The following CEP70 variants were observed in gnomAD, a reference collection of about 807,000 sequenced individuals.
CEP70 encodes the protein centrosomal protein 70.
A neutral mutation model predicts 90.9 loss-of-function variants in CEP70; 70 were observed. The observed-to-expected ratio is 0.77, with a 90% CI of 0.64 to 0.94. The LOEUF (loss-of-function observed/expected upper bound fraction) is 0.94. CEP70 is among the 40% of genes least tolerant of loss of function. CEP70 has a pLI of 0.00. For missense variants in CEP70, 648 were observed against 669.0 expected (o/e 0.97, Z 0.35); for synonymous variants, 220 against 228.3 (o/e 0.96, Z 0.33).
At chr3:138,540,433 G>C (rs368520012) in intron 6 of CEP70, among the ~76,000 whole-genome samples, 3 of 148,054 alleles carry the variant, frequency 2.0e-5, no homozygotes, top group Admixed American at 6.8e-5. Flanking sequence ...GCAGTGAGCC[G>C]AGACCACACC....
chr3:138,556,527 C>CAAAAA (rs57583939), intron 6 of CEP70, among the ~76,000 whole-genome samples: 1 of 69,608 alleles, frequency 1.4e-5, no homozygotes, highest in African/African-American at 6.2e-5. Context: ...GACTCTGTCT[C>CAAAAA]AAAAAAAAAA....
intron 17 of CEP70, 136 bp downstream of exon 17, chr3:138,497,895 G>A (rs2034090156): frequency 1.3e-6 from 2 of 1,493,688 alleles, no homozygotes; most frequent in Non-Finnish European, 8.8e-7. Flanking sequence ...TGCTTGTAAG[G>A]AATGTGTTTC....
chr3:138,523,995 C>A (rs1419036838), intron 11 of CEP70, among the ~76,000 whole-genome samples: 2 of 138,750 alleles, frequency 1.4e-5, no homozygotes, highest in Non-Finnish European at 1.5e-5. Flanking sequence ...CTACAGTAAC[C>A]AAAACAGCAT....
At chr3:138,537,477 G>T (rs1379431074) in intron 6 of CEP70, 130 bp from the exon 7 acceptor site, 2 of 535,446 alleles carry the variant, frequency 3.7e-6, no homozygotes, top group Non-Finnish European at 6.1e-6. Context: ...CAGTATTGAG[G>T]CTGTTTTTAA....
intron 11 of CEP70, among the ~76,000 whole-genome samples, chr3:138,514,405 G>A (rs1226787229): frequency 6.6e-6 from 1 of 152,112 alleles, no homozygotes; most frequent in African/African-American, 2.4e-5. Flanking sequence ...TGCCTGTAAT[G>A]TGCATCACAA....
Position 138,557,872 on chromosome 3 carries a change from A to G in CEP70, c.465+12446T>C, listed in dbSNP as rs557493540. Among the ~76,000 whole-genome samples, 7 of 152,236 alleles carry G rather than the reference A, an allele frequency of 4.6e-5. No individual in the cohort carries two copies. In the South Asian group the frequency reaches 6.2e-4, roughly 14 times the overall value. ...ACAAAGAACATCCAATATTAGAGTT[A>G]TCAGACACAGACAATTTTAAAACTA... On this transcript the variant is annotated intron_variant, in intron 6 of 17. Coordinates refer to ENST00000264982, the MANE Select transcript of CEP70 (RefSeq NM_024491.4).
At chr3:138,528,921 G>A (rs979955014) in intron 10 of CEP70, among the ~76,000 whole-genome samples, 2 of 152,188 alleles carry the variant, frequency 1.3e-5, no homozygotes, top group African/African-American at 4.8e-5. Flanking sequence ...GAACCTGGGA[G>A]ACAGAGGTTG....
At chr3:138,555,868 G>T (rs1017025804) in intron 6 of CEP70, among the ~76,000 whole-genome samples, 16 of 152,168 alleles carry the variant, frequency 1.1e-4, no homozygotes, top group Non-Finnish European at 1.5e-5. Context: ...ATTCATTAAA[G>T]AACTAAAAGT....
At chr3:138,539,694 A>G (rs1034291331) in intron 6 of CEP70, among the ~76,000 whole-genome samples, 10 of 152,218 alleles carry the variant, frequency 6.6e-5, no homozygotes, top group Non-Finnish European at 1.5e-4. Flanking sequence ...CAAATCTAAG[A>G]ATCATTGGCC....
chr3:138,527,837 A>G (rs2107738718), intron 10 of CEP70, among the ~76,000 whole-genome samples: 2 of 152,086 alleles, frequency 1.3e-5, no homozygotes, highest in East Asian at 3.9e-4. Flanking sequence ...TATAGGTATG[A>G]GCCACTGCAC....
rs1226444400 is a variant in CEP70 at position 138,562,550 on chromosome 3, A to G, written c.465+7768T>C. 3.9e-5 allele frequency among the ~76,000 whole-genome samples: 6 copies of G among 152,206 alleles called. No homozygotes were observed. The South Asian group carries it at 1.2e-3, about 31-fold the overall frequency. ...TACAAGCCAGAGGAGAGTGGGGGCC[A>G]ATATTCAACATTCTTAAAAAATATT... On this transcript the variant is annotated intron_variant, in intron 6 of 17. Transcript: ENST00000264982.
intron 6 of CEP70, among the ~76,000 whole-genome samples, chr3:138,538,261 A>T (rs779150393): frequency 1.3e-5 from 2 of 152,152 alleles, no homozygotes; most frequent in Non-Finnish European, 2.9e-5. Context: ...ATCTCAGCCA[A>T]AGAAGATGCT....
intron 11 of CEP70, among the ~76,000 whole-genome samples, chr3:138,521,815 A>G (rs888111736): frequency 8.5e-5 from 13 of 152,262 alleles, no homozygotes; most frequent in Non-Finnish European, 1.5e-4. Flanking sequence ...ACAAGCCATG[A>G]TGACGATGGC....
At chr3:138,542,414 G>A (rs931255684) in intron 6 of CEP70, among the ~76,000 whole-genome samples, 3 of 152,232 alleles carry the variant, frequency 2.0e-5, no homozygotes, top group East Asian at 1.9e-4. Context: ...TCCCAGAAGA[G>A]TCACAACTCT....
chr3:138,527,461 G>A (rs746960603), intron 10 of CEP70, among the ~76,000 whole-genome samples: 13 of 151,788 alleles, frequency 8.6e-5, no homozygotes, highest in African/African-American at 1.5e-4. Context: ...TTGGGAGGCC[G>A]AGGCGGGCGG....
intron 2 of CEP70, among the ~76,000 whole-genome samples, chr3:138,579,027 C>T (rs909304474): frequency 2.0e-5 from 3 of 152,284 alleles, no homozygotes; most frequent in South Asian, 2.1e-4. Flanking sequence ...CCCAATCCCC[C>T]GGTAACGGCC....
intron 12 of CEP70, among the ~76,000 whole-genome samples, chr3:138,507,539 T>C (rs188377096): frequency 1.3e-5 from 2 of 152,210 alleles, no homozygotes; most frequent in East Asian, 3.9e-4. Flanking sequence ...AATATGGAAA[T>C]AGTTGAGAAA....
At chr3:138,561,999 G>A (rs1367788088) in intron 6 of CEP70, among the ~76,000 whole-genome samples, 2 of 148,680 alleles carry the variant, frequency 1.3e-5, no homozygotes, top group Non-Finnish European at 3.0e-5. Context: ...CTCTGGCCCG[G>A]GCGACAATGC....
Position 138,529,286 on chromosome 3 carries a change from G to T in CEP70, c.782C>A (p.Ser261Ter). 1 of 1,597,180 alleles carries T rather than the reference G, an allele frequency of 6.3e-7. No individual in the cohort carries two copies. The highest frequency in any genetic ancestry group is 1.1e-5 in the South Asian group (1 of 88,442). ...TGATTCCTTGAGTTGATTCTGTAAT[G>T]ACTGCAACACATTTCATAGAAAAAT... is the stretch of plus-strand genomic sequence containing the variant. ...ASPTYKGLLM[S>*]LQNQLKESKS... Residue 261 changes from serine to a stop codon, truncating the protein, a stop_gained and splice_region_variant, in exon 10 of 18, where the codon TCA (serine) becomes TAA (stop). Coordinates refer to ENST00000264982, the MANE Select transcript of CEP70 (RefSeq NM_024491.4). LOFTEE classifies it high-confidence loss of function.
Sources: gnomAD v4.1 joint callset for allele counts (sites outside exome capture counted in the v4.1 genomes callset) on GRCh38, gnomAD v4.1.1 for gene constraint, MANE v1.5 for transcripts, NCBI Gene and HGNC (gene_info 2026-07-23, HGNC 2026-07-21) for gene names.